The following LARGE1 variants were observed in gnomAD, a reference collection of about 807,000 sequenced individuals.
LARGE1 encodes the protein xylosyl- and glucuronyltransferase LARGE1.
In LARGE1, 43 loss-of-function variants were observed where a neutral mutation model predicts 87.6. The observed-to-expected ratio is 0.49, with a 90% CI of 0.38 to 0.63. The LOEUF (loss-of-function observed/expected upper bound fraction) is 0.63, where lower values mean the gene tolerates loss of function less well. Among genes scored for constraint, LARGE1 ranks in the 30% least tolerant of loss-of-function variants. LARGE1 has a pLI of 0.00. For missense variants in LARGE1, 802 were observed against 1,000.2 expected (o/e 0.80, Z 2.67); for synonymous variants, 434 against 394.6 (o/e 1.10, Z -1.18).
chr22:33,376,129 C>T (rs2064985519), intron 9 of LARGE1, among the ~76,000 whole-genome samples: 1 of 152,106 alleles, frequency 6.6e-6, no homozygotes, highest in East Asian at 1.9e-4. Flanking sequence ...ACACTCACTG[C>T]ATGCCCATCA....
chr22:33,625,298 C>T (rs1467772523), intron 4 of LARGE1, among the ~76,000 whole-genome samples: 1 of 152,104 alleles, frequency 6.6e-6, no homozygotes, highest in Admixed American at 6.5e-5. Flanking sequence ...TGTCTAGATG[C>T]CAATCAAAAT....
chr22:33,109,754 G>T, the LARGE1 span, among the ~76,000 whole-genome samples: 1 of 152,110 alleles, frequency 6.6e-6, no homozygotes, highest in Non-Finnish European at 1.5e-5. Context: ...GAATGACTTG[G>T]TGTCCTCCCT....
At chr22:33,489,542 T>A (rs906948099) in intron 6 of LARGE1, among the ~76,000 whole-genome samples, 1 of 152,168 alleles carries the variant, frequency 6.6e-6, no homozygotes, top group Admixed American at 6.5e-5. Context: ...GTTCCTGTGG[T>A]AGTGAATAAA....
intron 11 of LARGE1, among the ~76,000 whole-genome samples, chr22:33,198,327 G>A (rs1339348603): frequency 6.6e-6 from 1 of 151,592 alleles, no homozygotes; most frequent in Admixed American, 6.6e-5. Flanking sequence ...GACATAAAAT[G>A]TATATATATC....
At chr22:33,678,316 A>G (rs532878400) in intron 2 of LARGE1, among the ~76,000 whole-genome samples, 82 of 152,306 alleles carry the variant, frequency 5.4e-4, no homozygotes, top group African/African-American at 1.8e-3. Context: ...CAATACCTCG[A>G]GCTGGGCCCT....
At chr22:33,526,146 G>A (rs1024567878) in intron 6 of LARGE1, among the ~76,000 whole-genome samples, 4 of 152,102 alleles carry the variant, frequency 2.6e-5, no homozygotes, top group African/African-American at 9.7e-5. Context: ...GACTAACCTT[G>A]AAAACATTAT....
intron 11 of LARGE1, among the ~76,000 whole-genome samples, chr22:33,211,782 A>G (rs1924977174): frequency 6.6e-6 from 1 of 152,192 alleles, no homozygotes; most frequent in Non-Finnish European, 1.5e-5. Context: ...CAAAGAAAAA[A>G]AAGTGCTGTG....
At chr22:33,434,550 C>T (rs1021695562) in intron 6 of LARGE1, among the ~76,000 whole-genome samples, 19 of 152,140 alleles carry the variant, frequency 1.2e-4, no homozygotes, top group South Asian at 2.1e-4. Flanking sequence ...CCGCCTGCCT[C>T]GGCCTCCCAA....
chr22:33,138,276 G>A, the LARGE1 span, among the ~76,000 whole-genome samples: 18 of 152,108 alleles, frequency 1.2e-4, no homozygotes, highest in East Asian at 2.9e-3. Flanking sequence ...TATGGGGCCC[G>A]TACCCCTTTG....
intron 10 of LARGE1, among the ~76,000 whole-genome samples, chr22:33,324,295 A>AC (rs34198548): frequency 0.021 from 2,221 of 104,086 alleles, 35 homozygotes; most frequent in South Asian, 0.031. Flanking sequence ...AAAACAAACA[A>AC]CCCCCCCCCC....
chr22:33,878,471 T>C (rs1277079248), intron 1 of LARGE1, among the ~76,000 whole-genome samples: 1 of 152,158 alleles, frequency 6.6e-6, no homozygotes, highest in African/African-American at 2.4e-5. Flanking sequence ...TGTTCTAGCT[T>C]ATCAAACTGT....
chr22:33,543,216 A>G (rs199958742), intron 6 of LARGE1, among the ~76,000 whole-genome samples: 2 of 40,798 alleles, frequency 4.9e-5, no homozygotes, highest in South Asian at 8.4e-4. Flanking sequence ...AGAAAAAAAG[A>G]AAAAAAAAAA....
chr22:33,233,172 T>C (rs561334380), intron 11 of LARGE1, among the ~76,000 whole-genome samples: 1 of 152,072 alleles, frequency 6.6e-6, no homozygotes, highest in South Asian at 2.1e-4. Context: ...AAATTTCGAG[T>C]AGACTCTGGG....
At chr22:33,253,304 C>T (rs1461078636) in intron 11 of LARGE1, among the ~76,000 whole-genome samples, 2 of 152,228 alleles carry the variant, frequency 1.3e-5, no homozygotes, top group South Asian at 2.1e-4. Context: ...ATTTTTATTA[C>T]CCTTGTTTTT....
the LARGE1 span, among the ~76,000 whole-genome samples, chr22:33,120,321 TTTTC>T: frequency 2.1e-3 from 323 of 151,858 alleles, 2 homozygotes; most frequent in African/African-American, 3.3e-3. Context: ...ATAAACTGCC[TTTTC>T]TTTCTTTCTT....
chr22:33,722,507 T>C (rs1433006235), intron 2 of LARGE1, among the ~76,000 whole-genome samples: 1 of 152,040 alleles, frequency 6.6e-6, no homozygotes, highest in Non-Finnish European at 1.5e-5. Flanking sequence ...ACGGTAAAAG[T>C]CCTTCAAGTG....
At chr22:33,315,279 G>A (rs1400094419) in intron 11 of LARGE1, among the ~76,000 whole-genome samples, 2 of 152,194 alleles carry the variant, frequency 1.3e-5, no homozygotes, top group Non-Finnish European at 1.5e-5. Context: ...GGATGTGAAC[G>A]TGTTATACAA....
chr22:33,188,474 C>T (rs555131446), intron 11 of LARGE1, among the ~76,000 whole-genome samples: 1 of 152,212 alleles, frequency 6.6e-6, no homozygotes, highest in African/African-American at 2.4e-5. Context: ...CAATAGGCAG[C>T]CTCTTGTGGC....
intron 10 of LARGE1, among the ~76,000 whole-genome samples, chr22:33,334,242 T>C (rs1457424099): frequency 6.6e-6 from 1 of 151,782 alleles, no homozygotes; most frequent in African/African-American, 2.4e-5. Flanking sequence ...GGTGAAACCC[T>C]GTGTCTACTA....
Sources: gnomAD v4.1 joint callset for allele counts (sites outside exome capture counted in the v4.1 genomes callset) on GRCh38, gnomAD v4.1.1 for gene constraint, MANE v1.5 for transcripts, NCBI Gene and HGNC (gene_info 2026-07-23, HGNC 2026-07-21) for gene names.